Variants in DPP6 observed in about 807,000 individuals in gnomAD.
DPP6 encodes the protein dipeptidyl peptidase like 6.
A neutral mutation model predicts 122.6 loss-of-function variants in DPP6; 69 were observed. That is an observed-to-expected ratio of 0.56 (90% confidence interval 0.46 to 0.69). The LOEUF (loss-of-function observed/expected upper bound fraction) is 0.69, where lower values mean the gene tolerates loss of function less well. Ranked by LOEUF, DPP6 falls within the 30% of genes least tolerant of loss-of-function variation. The probability of loss-of-function intolerance (pLI) is 0.00; values close to 1 mark genes in which losing one functional copy is unlikely to be tolerated. For missense variants in DPP6, 928 were observed against 1,116.9 expected, an observed-to-expected ratio of 0.83 and a Z score of 2.41; for synonymous variants, 418 against 433.1, an observed-to-expected ratio of 0.97 and a Z score of 0.43.
chr7:154,295,800 G>A (rs1805498002), intron 1 of DPP6, among the ~76,000 whole-genome samples: 1 of 152,100 alleles, frequency 6.6e-6, no homozygotes, highest in Admixed American at 6.5e-5. Flanking sequence ...GTTTATACAT[G>A]GATGCCTTAT....
chr7:154,216,189 G>A (rs1799983787), intron 1 of DPP6, among the ~76,000 whole-genome samples: 1 of 152,200 alleles, frequency 6.6e-6, no homozygotes, highest in African/African-American at 2.4e-5. Context: ...CTAACTCAGG[G>A]AGGAGACCAC....
intron 1 of DPP6, among the ~76,000 whole-genome samples, chr7:154,411,872 C>T (rs1816632738): frequency 6.6e-6 from 1 of 152,116 alleles, no homozygotes; most frequent in Non-Finnish European, 1.5e-5. Flanking sequence ...CTAGGTAATT[C>T]ATCTAGTTCA....
At chr7:154,386,940 A>G (rs543325175) in intron 1 of DPP6, among the ~76,000 whole-genome samples, 1 of 64,936 alleles carries the variant, frequency 1.5e-5, no homozygotes, top group Non-Finnish European at 3.0e-5. Context: ...GGGCTTGAGC[A>G]TGGGTGGGCA....
At chr7:154,308,575 A>G (rs1355056567) in intron 1 of DPP6, among the ~76,000 whole-genome samples, 1 of 152,166 alleles carries the variant, frequency 6.6e-6, no homozygotes, top group Non-Finnish European at 1.5e-5. Context: ...CTCGGTGAAA[A>G]TGGCTGAGCA....
intron 1 of DPP6, among the ~76,000 whole-genome samples, chr7:154,421,311 G>A (rs1417977400): frequency 8.7e-6 from 1 of 114,662 alleles, no homozygotes; most frequent in African/African-American, 3.4e-5. Context: ...TTGCATGTCA[G>A]TTTCTTTTTT....
chr7:154,327,325 G>A (rs1808531965), intron 1 of DPP6, among the ~76,000 whole-genome samples: 1 of 152,116 alleles, frequency 6.6e-6, no homozygotes, highest in Non-Finnish European at 1.5e-5. Flanking sequence ...CTGGTTTATG[G>A]CAATTGCCCT....
At chr7:154,502,302 G>T (rs569401136) in intron 3 of DPP6, among the ~76,000 whole-genome samples, 3 of 152,074 alleles carry the variant, frequency 2.0e-5, no homozygotes, top group Admixed American at 6.5e-5. Flanking sequence ...AGGCATGATT[G>T]GTTTTGAAAT....
In DPP6 at chr7:154,019,217, T is replaced by A. The variant is rs530894180; in HGVS notation, c.51+131483T>A. ...CCTGCTTATTAAGAGTCTGTTATCT[T>A]CTTTAAATTTAATTTCATGAATAAT... On this transcript the variant is annotated intron_variant, in intron 1 of 25. Coordinates refer to the DPP6 transcript ENST00000404039. Among the ~76,000 whole-genome samples, 4 of 152,280 alleles carry A rather than the reference T, an allele frequency of 2.6e-5. No individual in the cohort carries two copies. The East Asian group carries it at 7.7e-4, about 29-fold the overall frequency.
At chr7:154,117,091 G>A (rs1218345509) in intron 1 of DPP6, among the ~76,000 whole-genome samples, 2 of 151,700 alleles carry the variant, frequency 1.3e-5, no homozygotes, top group Non-Finnish European at 2.9e-5. Flanking sequence ...TTCTTGCTTA[G>A]ACTATCAGAA....
the DPP6 span, among the ~76,000 whole-genome samples, chr7:153,814,981 G>A: frequency 6.6e-6 from 1 of 152,146 alleles, no homozygotes; most frequent in Non-Finnish European, 1.5e-5. Flanking sequence ...AGCTATCTAT[G>A]ACAAACCCAC....
At chr7:154,646,383 C>T (rs1481649085) in intron 6 of DPP6, among the ~76,000 whole-genome samples, 2 of 152,094 alleles carry the variant, frequency 1.3e-5, no homozygotes, top group Non-Finnish European at 2.9e-5. Flanking sequence ...TTATCCACAC[C>T]TCTATTGACT....
chr7:154,575,024 ATG>A (rs1831452686), intron 5 of DPP6, among the ~76,000 whole-genome samples: 1 of 90,586 alleles, frequency 1.1e-5, no homozygotes, highest in South Asian at 3.8e-4. Context: ...TGGGTGGTGT[ATG>A]TGTGTGGTGT....
At chr7:154,022,011 C>G (rs1166283488) in intron 1 of DPP6, among the ~76,000 whole-genome samples, 4 of 152,112 alleles carry the variant, frequency 2.6e-5, no homozygotes, top group East Asian at 3.9e-4. Flanking sequence ...AAGGCCAACT[C>G]AGATCTAAGG....
chr7:153,869,586 T>TAG, the DPP6 span, among the ~76,000 whole-genome samples: 1 of 152,210 alleles, frequency 6.6e-6, no homozygotes, highest in African/African-American at 2.4e-5. Flanking sequence ...AGCACACTGA[T>TAG]GGGTCTTGAC....
At chr7:154,205,371 C>G (rs1011466284) in intron 1 of DPP6, among the ~76,000 whole-genome samples, 2 of 152,188 alleles carry the variant, frequency 1.3e-5, no homozygotes, top group African/African-American at 4.8e-5. Flanking sequence ...ACCCTGACAA[C>G]CACTGATCCA....
In DPP6 at chr7:154,023,318, G is replaced by GCACGCACACACACACACACACA. The variant is rs373378162; in HGVS notation, c.51+135587_51+135588insGCACACACACACACACACACAC. Among the ~76,000 whole-genome samples, 498 of 129,590 alleles carry GCACGCACACACACACACACACA rather than the reference G, an allele frequency of 3.8e-3. 16 individuals carry two copies. Among genetic ancestry groups the GCACGCACACACACACACACACA allele is most frequent in the African/African-American group, 0.015 (472 of 31,158 alleles). The allele number at this position is 129,590 out of a possible 152,430, so 85.0% of individuals were successfully genotyped here. Reference sequence around the variant, plus strand: ...CAGGCTCTGGAAATGTTTCTTGTCTGCACACACACACACACACACACACAC... The same window carrying GCACGCACACACACACACACACA: ...CAGGCTCTGGAAATGTTTCTTGTCTGCACGCACACACACACACACACACACACACACACACACACACACACAC... On this transcript the variant is annotated intron_variant, in intron 1 of 25. Transcript: ENST00000404039.
At chr7:154,198,835 G>A (rs1254619017) in intron 1 of DPP6, among the ~76,000 whole-genome samples, 1 of 152,076 alleles carries the variant, frequency 6.6e-6, no homozygotes, top group East Asian at 1.9e-4. Flanking sequence ...CTTGGCCTTG[G>A]ATGAGGGCCT....
At chr7:153,921,078 C>T (rs1330264663) in intron 1 of DPP6, among the ~76,000 whole-genome samples, 2 of 152,222 alleles carry the variant, frequency 1.3e-5, no homozygotes, top group East Asian at 1.9e-4. Context: ...CATGACTTTC[C>T]CTGGCCAATG....
At chr7:154,753,376 C>G (rs1484762392) in intron 8 of DPP6, among the ~76,000 whole-genome samples, 24 of 152,142 alleles carry the variant, frequency 1.6e-4, no homozygotes, top group Non-Finnish European at 4.4e-5. Context: ...TGTGACGAGG[C>G]CCACAGATAC....
Sources: allele counts gnomAD v4.1 joint callset (sites outside exome capture counted in the v4.1 genomes callset), GRCh38; gene constraint gnomAD v4.1.1; transcripts MANE v1.5; gene names NCBI Gene and HGNC (gene_info 2026-07-23, HGNC 2026-07-21).